SENP6: variants seen among roughly 807,000 people sequenced by gnomAD.
SENP6 encodes the protein SUMO specific peptidase 6, also known as sentrin-specific protease 6.
Under a neutral mutation model 134.5 loss-of-function variants are expected in SENP6, and 41 were observed. The ratio of observed to expected loss-of-function variants is 0.30; its 90% CI spans 0.24 to 0.40. SENP6 has a LOEUF of 0.40. SENP6 is among the 10% of genes least tolerant of loss of function. The pLI, the probability that SENP6 is intolerant of heterozygous loss-of-function variation, is 1.00. For synonymous variants in SENP6, 395 were observed against 429.8 expected (o/e 0.92, Z 1.00); for missense variants, 1,248 against 1,312.5 (o/e 0.95, Z 0.76).
At chr6:75,704,434 A>G (rs9343318) in intron 19 of SENP6, among the ~76,000 whole-genome samples, 46,964 of 152,098 alleles carry the variant, frequency 0.31, 7,899 homozygotes, top group African/African-American at 0.45. Context: ...TCTCCACCCA[A>G]ACATCTCAGT....
At chr6:75,608,002 A>T (rs1767153784) in intron 1 of SENP6, among the ~76,000 whole-genome samples, 1 of 152,056 alleles carries the variant, frequency 6.6e-6, no homozygotes, top group African/African-American at 2.4e-5. Flanking sequence ...TTTTCTTTTG[A>T]TTGCATTACT....
At chr6:75,696,345 A>G (rs1774662460) in intron 17 of SENP6, among the ~76,000 whole-genome samples, 1 of 152,194 alleles carries the variant, frequency 6.6e-6, no homozygotes, top group Non-Finnish European at 1.5e-5. Flanking sequence ...CTAACTACAG[A>G]TTACTCTGTT....
chr6:75,708,445 G>A (rs1450318439), intron 19 of SENP6, among the ~76,000 whole-genome samples: 1 of 152,136 alleles, frequency 6.6e-6, no homozygotes, highest in East Asian at 1.9e-4. Context: ...ATAAAAATCA[G>A]CTGGGCATAG....
intron 9 of SENP6, among the ~76,000 whole-genome samples, chr6:75,665,754 C>T (rs551742362): frequency 2.2e-4 from 34 of 152,194 alleles, no homozygotes; most frequent in Non-Finnish European, 4.3e-4. Context: ...CAGCCAGGTG[C>T]GGTGGCTCAC....
At chr6:75,611,705 T>C (rs1298684739) in intron 1 of SENP6, 1 of 152,216 alleles carries the variant, frequency 6.6e-6, no homozygotes, top group African/African-American at 2.4e-5. Context: ...TTTAAGAGAT[T>C]GTGTATTCTG....
Position 75,715,474 on chromosome 6 carries a change from CAT to C in SENP6, c.3221_3222del (p.Ile1074AsnfsTer16). On this transcript the variant is annotated frameshift_variant, in exon 24 of 24. Coordinates refer to ENST00000447266, the MANE Select transcript of SENP6 (RefSeq NM_015571.4). LOFTEE classifies it high-confidence loss of function. ...MRTKREEIRNIILKLQEDQSK... is the reference protein window; with the variant it reads ...MRTKREEIRNXILKLQEDQSK... Reference sequence around the variant, plus strand: ...GAACAAAAAGAGAAGAAATCCGAAACATAATTCTGAAGCTACAGGAAGATCAG... The same window carrying C: ...GAACAAAAAGAGAAGAAATCCGAAACAATTCTGAAGCTACAGGAAGATCAG... 1 of 1,613,340 alleles carries C rather than the reference CAT, an allele frequency of 6.2e-7. No homozygotes were observed. Among genetic ancestry groups the C allele is most frequent in the East Asian group, 2.2e-5 (1 of 44,806 alleles).
intron 1 of SENP6, among the ~76,000 whole-genome samples, chr6:75,619,182 T>G (rs1414957208): frequency 2.6e-5 from 4 of 152,188 alleles, no homozygotes. Flanking sequence ...TTGGATCTTT[T>G]AAATCATCAT....
chr6:75,702,359 G>A lies in SENP6; in HGVS notation c.2289-286G>A, dbSNP rs118094425. Among the ~76,000 whole-genome samples the A allele has an allele frequency of 0.011, 1,610 of 151,598 alleles. 59 individuals carry two copies. The East Asian group carries it at 0.14, about 13-fold the overall frequency. On this transcript the variant is annotated intron_variant, in intron 18 of 23. Coordinates refer to ENST00000447266, the MANE Select transcript of SENP6 (RefSeq NM_015571.4). ...CAGCCTACTGAGTAGCTGGGATTAC[G>A]GGTGCACACCACTGCGCCTGGCTAA...
chr6:75,700,231 C>G (rs552490050), intron 18 of SENP6, among the ~76,000 whole-genome samples: 8 of 152,214 alleles, frequency 5.3e-5, no homozygotes, highest in African/African-American at 1.9e-4. Context: ...GTAACCCTCT[C>G]TCTTGCTGTT....
chr6:75,607,110 G>A (rs1767085778), intron 1 of SENP6, among the ~76,000 whole-genome samples: 1 of 152,162 alleles, frequency 6.6e-6, no homozygotes, highest in Admixed American at 6.5e-5. Flanking sequence ...CATTTTGGGA[G>A]GCCAAGTTGA....
chr6:75,686,671 G>C (rs1399501556), intron 16 of SENP6, among the ~76,000 whole-genome samples: 1 of 152,152 alleles, frequency 6.6e-6, no homozygotes, highest in African/African-American at 2.4e-5. Flanking sequence ...AGTTTGGCTA[G>C]ATACGAAATT....
At chr6:75,627,178 T>C (rs1211092509) in intron 3 of SENP6, among the ~76,000 whole-genome samples, 1 of 152,146 alleles carries the variant, frequency 6.6e-6, no homozygotes, top group Non-Finnish European at 1.5e-5. Context: ...GTCAGGCTGG[T>C]CTTGAACTCC....
At chr6:75,615,637 T>C (rs1767795426) in intron 1 of SENP6, among the ~76,000 whole-genome samples, 1 of 152,254 alleles carries the variant, frequency 6.6e-6, no homozygotes, top group Admixed American at 6.5e-5. Context: ...AGGTTTTATA[T>C]CTGTCTTTTT....
At chr6:75,615,635 T>G (rs1232153177) in intron 1 of SENP6, among the ~76,000 whole-genome samples, 2 of 152,264 alleles carry the variant, frequency 1.3e-5, no homozygotes, top group Non-Finnish European at 2.9e-5. Context: ...TTAGGTTTTA[T>G]ATCTGTCTTT....
At chr6:75,702,432 G>A (rs1775100304) in intron 18 of SENP6, among the ~76,000 whole-genome samples, 1 of 151,908 alleles carries the variant, frequency 6.6e-6, no homozygotes, top group Non-Finnish European at 1.5e-5. Context: ...TGGCTAGGCT[G>A]GTCTCGAACT....
intron 19 of SENP6, among the ~76,000 whole-genome samples, chr6:75,708,851 G>T (rs1316243300): frequency 6.6e-6 from 1 of 152,076 alleles, no homozygotes; most frequent in Non-Finnish European, 1.5e-5. Flanking sequence ...CCGAGATTGT[G>T]CCACTGCACT....
chr6:75,623,827 G>C, intron 2 of SENP6, 73 bp from the exon 3 acceptor site: 1 of 1,335,236 alleles, frequency 7.5e-7, no homozygotes, highest in Non-Finnish European at 1.0e-6. Flanking sequence ...TGAACATAGA[G>C]GATAAAACCT....
intron 16 of SENP6, among the ~76,000 whole-genome samples, chr6:75,688,546 C>A (rs567552401): frequency 1.9e-4 from 29 of 152,180 alleles, no homozygotes; most frequent in Non-Finnish European, 3.8e-4. Context: ...CCCACCCCCC[C>A]GTCCAGGATT....
intron 16 of SENP6, among the ~76,000 whole-genome samples, chr6:75,684,424 C>A (rs559481239): frequency 6.6e-6 from 1 of 152,294 alleles, no homozygotes; most frequent in East Asian, 1.9e-4. Flanking sequence ...GCCAGAACTT[C>A]CAACACTATG....
Sources: gnomAD v4.1 joint callset for allele counts (sites outside exome capture counted in the v4.1 genomes callset) on GRCh38, gnomAD v4.1.1 for gene constraint, MANE v1.5 for transcripts, NCBI Gene and HGNC (gene_info 2026-07-23, HGNC 2026-07-21) for gene names.